Variants in PPP1R16B observed in about 807,000 individuals in gnomAD.
PPP1R16B encodes protein phosphatase 1 regulatory subunit 16B.
PPP1R16B carries 14 observed loss-of-function variants against 61.7 expected under a neutral mutation model. The observed-to-expected ratio is 0.23, with a 90% CI of 0.15 to 0.35. The LOEUF (loss-of-function observed/expected upper bound fraction) is 0.35. Among genes scored for constraint, PPP1R16B ranks in the 10% least tolerant of loss-of-function variants. The pLI is 1.00. For synonymous variants in PPP1R16B, 266 were observed against 305.3 expected (o/e 0.87, Z 1.34); for missense variants, 547 against 752.5 (o/e 0.73, Z 3.19).
At position 38,832,644 on chromosome 20, in the gene PPP1R16B, C is replaced by T. The variant is rs370452089; in HGVS notation, c.-101-3181C>T. On this transcript the variant is annotated intron_variant, in intron 1 of 10. Transcript: ENST00000299824. ...CTTTTAAAAGTAAACATGTGCCAGG[C>T]GCGGGGGCTCACGCCTGTAATCTGA... 3.3e-4 allele frequency among the ~76,000 whole-genome samples: 50 copies of T among 152,200 alleles called. No homozygotes were observed. The South Asian group carries it at 9.1e-3, about 28-fold the overall frequency.
chr20:38,861,977 CA>C (rs1158912591), intron 2 of PPP1R16B, among the ~76,000 whole-genome samples: 1 of 152,140 alleles, frequency 6.6e-6, no homozygotes, highest in East Asian at 1.9e-4. Context: ...GCCTGGCCTA[CA>C]GTTCTTCTTT....
chr20:38,810,893 C>T (rs2084696586), intron 1 of PPP1R16B, among the ~76,000 whole-genome samples: 1 of 152,176 alleles, frequency 6.6e-6, no homozygotes, highest in Admixed American at 6.5e-5. Flanking sequence ...CTATCCTTCA[C>T]CACCTTCTTC....
At chr20:38,842,596 T>C (rs1212182101) in intron 2 of PPP1R16B, among the ~76,000 whole-genome samples, 1 of 152,184 alleles carries the variant, frequency 6.6e-6, no homozygotes, top group Non-Finnish European at 1.5e-5. Context: ...AAATGAGATA[T>C]TATGCAGAAA....
At position 38,806,383 on chromosome 20, in the gene PPP1R16B, G is replaced by C. The variant is rs879693605; in HGVS notation, c.-102+591G>C. ...CCTCAGGATCCGGCTGACAGCACCA[G>C]CCAGCCCGGGGAGACCCCGCGAGTG... is the stretch of plus-strand genomic sequence containing the variant. On this transcript the variant is annotated intron_variant, in intron 1 of 10. Coordinates refer to ENST00000299824, the MANE Select transcript of PPP1R16B (RefSeq NM_015568.4). This position sits in a 1 kb window ranked among gnomAD's most constrained non-coding sequence, Gnocchi z 4.5. 2.0e-4 allele frequency among the ~76,000 whole-genome samples: 30 copies of C among 152,002 alleles called. No homozygotes were observed. Among genetic ancestry groups the C allele is most frequent in the Non-Finnish European group, 4.0e-4 (27 of 67,952 alleles).
At chr20:38,913,911 G>C (rs1036442545) in intron 10 of PPP1R16B, among the ~76,000 whole-genome samples, 5 of 152,168 alleles carry the variant, frequency 3.3e-5, no homozygotes, top group African/African-American at 9.7e-5. Context: ...ATCATTTACC[G>C]CTGGGCGCAG....
In PPP1R16B at chr20:38,806,257, C is replaced by T. The variant is rs576337787; in HGVS notation, c.-102+465C>T. ...ATGGTGGTGCCGCCCCCTCGCGTGGCGGGGCTTGGTCCTGGCGGGCAGCGG... is the reference window on the plus strand; with the variant it reads ...ATGGTGGTGCCGCCCCCTCGCGTGGTGGGGCTTGGTCCTGGCGGGCAGCGG... On this transcript the variant is annotated intron_variant, in intron 1 of 10. Coordinates refer to ENST00000299824, the MANE Select transcript of PPP1R16B (RefSeq NM_015568.4). The surrounding 1 kb of genome is among the most constrained non-coding windows in gnomAD (Gnocchi z 4.5). Among the ~76,000 whole-genome samples the T allele has an allele frequency of 5.3e-5, 8 of 152,166 alleles. No homozygotes were observed. The highest frequency in any genetic ancestry group is 3.3e-4 in the Admixed American group (5 of 15,300).
chr20:38,809,195 T>C (rs2084682644), intron 1 of PPP1R16B, among the ~76,000 whole-genome samples: 1 of 151,526 alleles, frequency 6.6e-6, no homozygotes, highest in Non-Finnish European at 1.5e-5. Flanking sequence ...CGACCCTGTC[T>C]CTTCTGCCTG....
chr20:38,869,876 G>A (rs1410804206), intron 2 of PPP1R16B, among the ~76,000 whole-genome samples: 1 of 150,192 alleles, frequency 6.7e-6, no homozygotes, highest in Non-Finnish European at 1.5e-5. Flanking sequence ...GCCACATAAA[G>A]ATGGACCTGT....
chr20:38,819,057 GA>G (rs2084757391), intron 1 of PPP1R16B, among the ~76,000 whole-genome samples: 1 of 152,054 alleles, frequency 6.6e-6, no homozygotes, highest in Non-Finnish European at 1.5e-5. Context: ...ATTCAGGCAT[GA>G]ACCACTGTAC....
chr20:38,892,698 C>G (rs928365049), intron 3 of PPP1R16B, among the ~76,000 whole-genome samples: 1 of 152,080 alleles, frequency 6.6e-6, no homozygotes, highest in African/African-American at 2.4e-5. Context: ...GGCTCAGTGG[C>G]AGCTTAAAAC....
At chr20:38,869,513 AT>A (rs1463077490) in intron 2 of PPP1R16B, among the ~76,000 whole-genome samples, 2 of 152,136 alleles carry the variant, frequency 1.3e-5, no homozygotes, top group Non-Finnish European at 2.9e-5. Context: ...GCTACGCACC[AT>A]TTTATATCCT....
At chr20:38,908,330 T>A in intron 10 of PPP1R16B, 137 bp downstream of exon 10, 1 of 1,099,178 alleles carries the variant, frequency 9.1e-7, no homozygotes, top group Non-Finnish European at 1.3e-6. Flanking sequence ...GCATATCCAG[T>A]CTGATGATGA....
Position 38,913,155 on chromosome 20 carries a change from G to A in PPP1R16B, c.1194+4962G>A, listed in dbSNP as rs188128643. On this transcript the variant is annotated intron_variant, in intron 10 of 10. Coordinates refer to ENST00000299824, the MANE Select transcript of PPP1R16B (RefSeq NM_015568.4). ...CAGAGTGCTGGGATTACAGACATGAGCCACTGTGCCCCTTGTTTTTTAATC... is the reference window on the plus strand; with the variant it reads ...CAGAGTGCTGGGATTACAGACATGAACCACTGTGCCCCTTGTTTTTTAATC... Among the ~76,000 whole-genome samples, 127 of 152,304 alleles carry A rather than the reference G, an allele frequency of 8.3e-4. 1 individual carries two copies. Among genetic ancestry groups the A allele is most frequent in the African/African-American group, 3.0e-3 (124 of 41,566 alleles).
At chr20:38,808,143 G>A (rs1375036242) in intron 1 of PPP1R16B, among the ~76,000 whole-genome samples, 1 of 152,188 alleles carries the variant, frequency 6.6e-6, no homozygotes, top group Non-Finnish European at 1.5e-5. Flanking sequence ...CTAGGCCTAT[G>A]TGTGATGGCC....
chr20:38,906,286 T>TG (rs1315744751), intron 7 of PPP1R16B, among the ~76,000 whole-genome samples, 192 bp downstream of exon 7: 2 of 114,884 alleles, frequency 1.7e-5, no homozygotes, highest in Admixed American at 8.7e-5. Flanking sequence ...AAGTTGTGTT[T>TG]TTTTTTTTTT....
At chr20:38,865,914 A>T (rs1441733131) in intron 2 of PPP1R16B, among the ~76,000 whole-genome samples, 2 of 152,048 alleles carry the variant, frequency 1.3e-5, no homozygotes, top group Non-Finnish European at 2.9e-5. Flanking sequence ...TCATGAGGTC[A>T]GGAGTTCGAG....
rs2085599221 is a variant in PPP1R16B at position 38,921,626 on chromosome 20, C to T, written c.*2960C>T. The T allele has an allele frequency of 6.6e-6, 1 of 152,262 alleles. No individual in the cohort carries two copies. Among genetic ancestry groups the T allele is most frequent in the Non-Finnish European group, 1.5e-5 (1 of 68,054 alleles). The allele number at this position is 152,262 out of a possible 1,614,324, so 9.4% of individuals were successfully genotyped here. A position where few individuals can be genotyped will look rare whatever the true frequency, so the allele number is the denominator to read the frequency against. ...TGGATCTTGGGTTCCAGGCAGACAT[C>T]ATCCAGGTCCATCTGGAACTTTCAG... On this transcript the variant is annotated 3_prime_UTR_variant, in exon 11 of 11. Coordinates refer to ENST00000299824, the MANE Select transcript of PPP1R16B (RefSeq NM_015568.4).
intron 2 of PPP1R16B, among the ~76,000 whole-genome samples, chr20:38,875,526 A>T (rs1221026033): frequency 6.6e-6 from 1 of 152,206 alleles, no homozygotes; most frequent in East Asian, 1.9e-4. Context: ...CAGGAGCCAG[A>T]CTTCTCTGTT....
intron 1 of PPP1R16B, among the ~76,000 whole-genome samples, chr20:38,828,543 T>G (rs1045874341): frequency 2.0e-5 from 3 of 152,208 alleles, no homozygotes; most frequent in African/African-American, 7.2e-5. Context: ...ACCCCTTACT[T>G]AAAGGACCCT....
Sources: allele counts gnomAD v4.1 joint callset (sites outside exome capture counted in the v4.1 genomes callset), GRCh38; gene constraint gnomAD v4.1.1; non-coding constraint Gnocchi (gnomAD v3.1); transcripts MANE v1.5; gene names NCBI Gene and HGNC (gene_info 2026-07-23, HGNC 2026-07-21).